The following MSH4 variants were observed in gnomAD, a reference collection of about 807,000 sequenced individuals.
MSH4 encodes mutS protein homolog 4.
A neutral mutation model predicts 113.7 loss-of-function variants in MSH4; 106 were observed. The ratio of observed to expected loss-of-function variants is 0.93; its 90% CI spans 0.80 to 1.10. The LOEUF (loss-of-function observed/expected upper bound fraction) is 1.10, where lower values mean the gene tolerates loss of function less well. Among genes scored for constraint, MSH4 ranks in the 50% least tolerant of loss-of-function variants. The pLI, the probability that MSH4 is intolerant of heterozygous loss-of-function variation, is 0.00. For synonymous variants in MSH4, 368 were observed against 380.2 expected, an observed-to-expected ratio of 0.97 and a Z score of 0.37; for missense variants, 1,061 against 1,093.7, an observed-to-expected ratio of 0.97 and a Z score of 0.42.
At chr1:75,886,826 A>G (rs1171183259) in intron 15 of MSH4, among the ~76,000 whole-genome samples, 1 of 32,136 alleles carries the variant, frequency 3.1e-5, no homozygotes. Flanking sequence ...ACACTGGTAC[A>G]TATATATATA....
rs746384763 is a variant in MSH4 at position 75,912,893 on chromosome 1, A to G, written c.*6A>G. ...CAGAAAAGACTGAAGAATAATCACA[A>G]TTCTAATGTAATAATATATCTTAAT... On this transcript the variant is annotated 3_prime_UTR_variant, in exon 20 of 20. Transcript: ENST00000263187. The G allele has an allele frequency of 1.4e-6, 2 of 1,475,222 alleles. No homozygotes were observed. The highest frequency in any genetic ancestry group is 1.5e-5 in the South Asian group (1 of 66,810). 91.4% of individuals were successfully genotyped at this position (1,475,222 alleles called of 1,614,324 possible). A position where few individuals can be genotyped will look rare whatever the true frequency, so the allele number is the denominator to read the frequency against.
At position 75,867,598 on chromosome 1, in the gene MSH4, G is replaced by T. The variant is rs755324934; in HGVS notation, c.1305+10G>T. 5.3e-6 allele frequency: 8 copies of T among 1,510,348 alleles called. No homozygotes were observed. The African/African-American group carries it at 1.1e-4, about 21-fold the overall frequency. The allele number at this position is 1,510,348 out of a possible 1,614,324, so 93.6% of individuals were successfully genotyped here. On this transcript the variant is annotated intron_variant, in intron 9 of 19. Transcript: ENST00000263187. ...TGTGGATCCTTTAAAGGTAATTTAT[G>T]TGTGTGTATCGTACAAAACATGTCC...
intron 8 of MSH4, among the ~76,000 whole-genome samples, chr1:75,861,349 GT>G (rs1651451753): frequency 6.6e-6 from 1 of 152,140 alleles, no homozygotes; most frequent in Non-Finnish European, 1.5e-5. Flanking sequence ...AGGTGTTCTG[GT>G]TTTTGGTATT....
intron 15 of MSH4, among the ~76,000 whole-genome samples, chr1:75,885,341 GTATA>G (rs72131358): frequency 3.9e-4 from 40 of 102,576 alleles, no homozygotes; most frequent in African/African-American, 1.2e-3. Context: ...GTGTGTGTGT[GTATA>G]TATATATATA....
intron 8 of MSH4, among the ~76,000 whole-genome samples, chr1:75,854,006 T>C (rs1651253342): frequency 1.2e-5 from 1 of 84,182 alleles, no homozygotes; most frequent in African/African-American, 4.4e-5. Flanking sequence ...GGCATAAGTG[T>C]GTGTGTGTAT....
chr1:75,907,684 C>CTCTCTCTCTCTATATATATATATA (rs1307238647), intron 19 of MSH4, among the ~76,000 whole-genome samples: 2 of 46,568 alleles, frequency 4.3e-5, no homozygotes, highest in Non-Finnish European at 7.4e-5. Context: ...CTCTCTCTCT[C>CTCTCTCTCTCTATATATATATATA]TATACATATA....
At chr1:75,879,395 T>G (rs1264018345) in intron 12 of MSH4, among the ~76,000 whole-genome samples, 1 of 152,176 alleles carries the variant, frequency 6.6e-6, no homozygotes, top group Non-Finnish European at 1.5e-5. Context: ...AAGCTGTTTA[T>G]GATAAAAGAA....
Position 75,890,732 on chromosome 1 carries a change from C to T in MSH4, c.2263C>T (p.Leu755Phe), listed in dbSNP as rs1247388471. 4 of 1,605,420 alleles carry T rather than the reference C, an allele frequency of 2.5e-6. No homozygotes were observed. Among genetic ancestry groups the T allele is most frequent in the Non-Finnish European group, 3.4e-6 (4 of 1,175,138 alleles). Residue 755 changes from leucine to phenylalanine, a missense_variant, in exon 17 of 20, where the codon CTC becomes TTC. Coordinates refer to ENST00000263187, the MANE Select transcript of MSH4 (RefSeq NM_002440.4). ...TCTACATAATGCTAATGACAAATCG[C>T]TCATATTAATTGATGAACTTGGCAG... ...YILHNANDKSLILIDELGRGT... is the reference protein window; with the variant it reads ...YILHNANDKSFILIDELGRGT...
In MSH4 at chr1:75,890,742, T is replaced by C. The variant is rs1183398432; in HGVS notation, c.2273T>C (p.Ile758Thr). ...HNANDKSLILIDELGRGTNTE... is the reference protein window; with the variant it reads ...HNANDKSLILTDELGRGTNTE... Reference sequence around the variant, plus strand: ...GCTAATGACAAATCGCTCATATTAATTGATGAACTTGGCAGAGGTACTAAT... The same window carrying C: ...GCTAATGACAAATCGCTCATATTAACTGATGAACTTGGCAGAGGTACTAAT... Residue 758 changes from isoleucine (I) to threonine (T), a missense_variant, in exon 17 of 20, where the codon ATT (isoleucine) becomes ACT (threonine). Ile to Thr is a moderately conservative substitution (Grantham distance 89). Coordinates refer to ENST00000263187, the MANE Select transcript of MSH4 (RefSeq NM_002440.4). The C allele has an allele frequency of 6.2e-7, 1 of 1,608,604 alleles. No homozygotes were observed.
At chr1:75,820,813 A>T (rs922298077) in intron 6 of MSH4, among the ~76,000 whole-genome samples, 1 of 152,138 alleles carries the variant, frequency 6.6e-6, no homozygotes, top group East Asian at 1.9e-4. Context: ...AAAGAAGGCC[A>T]TTACATAATG....
At chr1:75,829,598 A>C (rs1481712053) in intron 7 of MSH4, among the ~76,000 whole-genome samples, 1 of 152,194 alleles carries the variant, frequency 6.6e-6, no homozygotes, top group Non-Finnish European at 1.5e-5. Context: ...TTCCAGAGGA[A>C]GAATCAGGCA....
chr1:75,867,058 T>C (rs1175397850), intron 8 of MSH4, among the ~76,000 whole-genome samples: 2 of 152,202 alleles, frequency 1.3e-5, no homozygotes, highest in African/African-American at 2.4e-5. Flanking sequence ...AGTGGAATTA[T>C]GAAAAGTTTT....
At chr1:75,897,284 C>A (rs1286939005) in intron 17 of MSH4, among the ~76,000 whole-genome samples, 1 of 152,058 alleles carries the variant, frequency 6.6e-6, no homozygotes, top group Non-Finnish European at 1.5e-5. Flanking sequence ...GGATATGTAC[C>A]AAGAATTTGC....
chr1:75,893,735 C>G (rs1054031268), intron 17 of MSH4, among the ~76,000 whole-genome samples: 1 of 152,124 alleles, frequency 6.6e-6, no homozygotes, highest in Non-Finnish European at 1.5e-5. Flanking sequence ...GACAGAAATC[C>G]ATGGAACATG....
chr1:75,904,702 G>T (rs1038512898), intron 19 of MSH4, among the ~76,000 whole-genome samples: 2 of 151,836 alleles, frequency 1.3e-5, no homozygotes, highest in African/African-American at 4.8e-5. Flanking sequence ...CTGTTTTGCA[G>T]AGATGGGGGT....
chr1:75,841,291 G>GCA (rs1650955090), intron 7 of MSH4, among the ~76,000 whole-genome samples: 1 of 151,178 alleles, frequency 6.6e-6, no homozygotes, highest in Non-Finnish European at 1.5e-5. Flanking sequence ...ACAAACCTCT[G>GCA]GGTTCAAGTG....
At chr1:75,907,696 A>ATATATATATATATG (rs1485494886) in intron 19 of MSH4, among the ~76,000 whole-genome samples, 1 of 89,272 alleles carries the variant, frequency 1.1e-5, no homozygotes, top group Non-Finnish European at 2.1e-5. Context: ...ATACATATAT[A>ATATATATATATATG]TATATATATA....
chr1:75,830,466 G>T (rs575429414), intron 7 of MSH4, among the ~76,000 whole-genome samples: 2 of 152,226 alleles, frequency 1.3e-5, no homozygotes, highest in East Asian at 3.9e-4. Flanking sequence ...CTCAAGAAGA[G>T]CAATTCCAAG....
intron 19 of MSH4, among the ~76,000 whole-genome samples, chr1:75,903,705 C>T (rs1557532693): frequency 6.6e-6 from 1 of 151,846 alleles, no homozygotes; most frequent in African/African-American, 2.4e-5. Context: ...GGGATTTCTT[C>T]TTGTATTTTT....
Sources: gnomAD v4.1 joint callset for allele counts (sites outside exome capture counted in the v4.1 genomes callset) on GRCh38, gnomAD v4.1.1 for gene constraint, MANE v1.5 for transcripts, NCBI Gene and HGNC (gene_info 2026-07-23, HGNC 2026-07-21) for gene names.